SYNE2: variants seen among roughly 807,000 people sequenced by gnomAD.
SYNE2 encodes the protein nesprin-2.
A neutral mutation model predicts 856.3 loss-of-function variants in SYNE2; 431 were observed. That is an observed-to-expected ratio of 0.50 (90% CI 0.47 to 0.55). The LOEUF is 0.55. Ranked by LOEUF, SYNE2 falls within the 20% of genes least tolerant of loss-of-function variation. SYNE2 has a pLI of 0.00. For synonymous variants in SYNE2, 2,923 were observed against 2,872.3 expected (o/e 1.02, Z -0.56); for missense variants, 8,129 against 8,023.2 (o/e 1.01, Z -0.50).
chr14:64,138,975 G>GTGTGTA (rs1256043732), intron 79 of SYNE2, among the ~76,000 whole-genome samples: 7 of 133,134 alleles, frequency 5.3e-5, no homozygotes, highest in Non-Finnish European at 3.2e-5. Flanking sequence ...GTGTGTGTGT[G>GTGTGTA]TGTGTATGTA....
At chr14:64,189,189 C>T (rs2776607) in intron 98 of SYNE2, among the ~76,000 whole-genome samples, 66,703 of 151,858 alleles carry the variant, frequency 0.44, 16,323 homozygotes, top group African/African-American at 0.67. Flanking sequence ...CAAAAATTAG[C>T]CTGGTGTGGT....
intron 1 of SYNE2, among the ~76,000 whole-genome samples, chr14:63,863,478 A>C (rs954730): frequency 0.63 from 96,167 of 152,026 alleles, 30,893 homozygotes; most frequent in South Asian, 0.77. Context: ...ATGGGTCATA[A>C]CATAGGAGTT....
intron 1 of SYNE2, among the ~76,000 whole-genome samples, chr14:63,866,891 G>C (rs759300719): frequency 2.0e-5 from 3 of 152,326 alleles, no homozygotes; most frequent in East Asian, 1.9e-4. Context: ...AGAATTGCTT[G>C]AGCCCAGAAG....
chr14:63,840,399 T>TTCCTTCC (rs1890013549), intron 1 of SYNE2, among the ~76,000 whole-genome samples: 1 of 115,414 alleles, frequency 8.7e-6, no homozygotes, highest in African/African-American at 3.4e-5. Context: ...CTTTCTTTCC[T>TTCCTTCC]TTCCTTCCTT....
chr14:64,083,276 C>T (rs2097537335), intron 57 of SYNE2, among the ~76,000 whole-genome samples: 1 of 151,680 alleles, frequency 6.6e-6, no homozygotes, highest in African/African-American at 2.4e-5. Context: ...GATTAACTTT[C>T]CACATCCCCA....
chr14:64,052,308 T>A lies in SYNE2; in HGVS notation c.8395T>A (p.Tyr2799Asn), dbSNP rs1237155897. ...VKDKVPSLTT[Y>N]EGSDLNNTLE... ...AGATAAGGTTCCTAGCCTTACAACC[T>A]ATGAGGGCAGTGATTTAAATAATAC... The change falls in exon 48 of 116, where the codon TAT (tyrosine) becomes AAT (asparagine). Residue 2799 changes from tyrosine to asparagine, a missense_variant. Transcript: ENST00000555002. The A allele has an allele frequency of 6.2e-7, 1 of 1,614,184 alleles. No homozygotes were observed. Among genetic ancestry groups the A allele is most frequent in the Non-Finnish European group, 8.5e-7 (1 of 1,180,024 alleles).
At chr14:63,833,065 T>C (rs1889727150) in intron 1 of SYNE2, among the ~76,000 whole-genome samples, 1 of 151,316 alleles carries the variant, frequency 6.6e-6, no homozygotes, top group Non-Finnish European at 1.5e-5. Flanking sequence ...ATATATTGGC[T>C]GGGTGCAGTA....
At chr14:63,954,309 TAAAG>T (rs1008964166) in intron 7 of SYNE2, among the ~76,000 whole-genome samples, 3 of 152,154 alleles carry the variant, frequency 2.0e-5, no homozygotes, top group African/African-American at 7.2e-5. Flanking sequence ...TGTAGAAGTT[TAAAG>T]GCAGACTTAA....
At chr14:63,859,675 G>C (rs1216770105) in intron 1 of SYNE2, among the ~76,000 whole-genome samples, 1 of 152,134 alleles carries the variant, frequency 6.6e-6, no homozygotes, top group Non-Finnish European at 1.5e-5. Flanking sequence ...AATTAGCTGG[G>C]TGTGGTGGCA....
intron 1 of SYNE2, among the ~76,000 whole-genome samples, chr14:63,766,230 T>A (rs2139692338): frequency 6.6e-6 from 1 of 152,014 alleles, no homozygotes; most frequent in East Asian, 2.0e-4. Flanking sequence ...AGGTTCCTGC[T>A]ATCACACCTG....
At chr14:63,820,962 G>C (rs992605417) in intron 1 of SYNE2, among the ~76,000 whole-genome samples, 2 of 151,948 alleles carry the variant, frequency 1.3e-5, no homozygotes, top group African/African-American at 4.8e-5. Flanking sequence ...TGTTGGCCAG[G>C]CTGGTTTCGA....
At chr14:63,843,856 A>C (rs1197968194) in intron 1 of SYNE2, among the ~76,000 whole-genome samples, 1 of 152,156 alleles carries the variant, frequency 6.6e-6, no homozygotes, top group African/African-American at 2.4e-5. Flanking sequence ...TATTTTTTAA[A>C]ATGTCGACAA....
chr14:64,081,688 C>T, intron 57 of SYNE2, 108 bp downstream of exon 57: 1 of 1,271,690 alleles, frequency 7.9e-7, no homozygotes, highest in South Asian at 1.2e-5. Context: ...TACAACCTTA[C>T]CGCTAACCAT....
chr14:64,013,275 A>T (rs1397449274), intron 32 of SYNE2, among the ~76,000 whole-genome samples: 2 of 152,128 alleles, frequency 1.3e-5, no homozygotes, highest in African/African-American at 4.8e-5. Context: ...AAAATTTTTA[A>T]ATTTAATTGA....
chr14:64,226,091 A>G lies in SYNE2; in HGVS notation c.*565A>G, dbSNP rs1423338035. On this transcript the variant is annotated 3_prime_UTR_variant, in exon 116 of 116. Transcript: ENST00000555002. ...AGCTCTGCTCTTTTATATTGCTTTA[A>G]ATTTTTAAAGAAATTGTATTGCATG... The G allele has an allele frequency of 6.3e-6, 1 of 158,416 alleles. No individual in the cohort carries two copies. Among genetic ancestry groups the G allele is most frequent in the Non-Finnish European group, 1.4e-5 (1 of 71,450 alleles). 9.8% of individuals were successfully genotyped at this position (158,416 alleles called of 1,614,324 possible).
At chr14:64,205,377 A>G (rs17101713) in intron 100 of SYNE2, among the ~76,000 whole-genome samples, 2,538 of 152,324 alleles carry the variant, frequency 0.017, 71 homozygotes, top group African/African-American at 0.058. Context: ...GTGTCACACA[A>G]AAGAATTATG....
At chr14:64,063,339 C>T (rs145025472) in intron 50 of SYNE2, among the ~76,000 whole-genome samples, 194 of 152,302 alleles carry the variant, frequency 1.3e-3, no homozygotes, top group African/African-American at 4.0e-3. Context: ...CGAGCCACTG[C>T]GCCTGGCCTT....
rs2096719884 is a variant in SYNE2, at chr14:63,997,161, T to C, written c.3152+3T>C. The C allele has an allele frequency of 1.2e-6, 2 of 1,612,974 alleles. No individual in the cohort carries two copies. The highest frequency in any genetic ancestry group is 1.1e-5 in the South Asian group (1 of 90,986). On this transcript the variant is annotated splice_donor_region_variant and intron_variant, in intron 24 of 115. Transcript: ENST00000555002. ...GCGGGAGGCACGTCGAAAAACGAGT[T>C]AGTACTTCATAAGAATAGCTACCCT... is the stretch of plus-strand genomic sequence containing the variant.
Position 64,223,311 on chromosome 14 carries a change from T to C in SYNE2, c.20313T>C (p.Val6771=), listed in dbSNP as rs2098703288. 1 of 1,614,094 alleles carries C rather than the reference T, an allele frequency of 6.2e-7. No individual in the cohort carries two copies. Among genetic ancestry groups the C allele is most frequent in the African/African-American group, 1.3e-5 (1 of 74,934 alleles). ...TTGAAGCTGAAGAAAAGGTGCATGT[T>C]ATTGAGAAGAAACTCAAACAGTTAC... ...DCIEAEEKVH[V]IEKKLKQLRE... is the part of the protein sequence containing the mutation. Residue 6771 remains valine, a synonymous_variant, in exon 113 of 116, where the codon GTT becomes GTC. Coordinates refer to ENST00000555002, the MANE Select transcript of SYNE2 (RefSeq NM_182914.3).
Sources: allele counts gnomAD v4.1 joint callset (sites outside exome capture counted in the v4.1 genomes callset), GRCh38; gene constraint gnomAD v4.1.1; transcripts MANE v1.5; gene names NCBI Gene and HGNC (gene_info 2026-07-23, HGNC 2026-07-21).